Variants in NOSIP observed in about 807,000 individuals in gnomAD.
NOSIP encodes nitric oxide synthase interacting protein.
A neutral mutation model predicts 36.4 loss-of-function variants in NOSIP; 25 were observed. The ratio of observed to expected loss-of-function variants is 0.69; its 90% CI spans 0.50 to 0.96. The LOEUF (loss-of-function observed/expected upper bound fraction) is 0.96. NOSIP is among the 40% of genes least tolerant of loss of function. The pLI, the probability that NOSIP is intolerant of heterozygous loss-of-function variation, is 0.00. For synonymous variants in NOSIP, 187 were observed against 179.2 expected (o/e 1.04, Z -0.35); for missense variants, 370 against 429.0 (o/e 0.86, Z 1.21).
At chr19:49,557,618 A>G (rs2080272272) in intron 4 of NOSIP, 2 of 1,122,466 alleles carry the variant, frequency 1.8e-6, no homozygotes, top group Non-Finnish European at 2.2e-6. Flanking sequence ...TAAGCATTTA[A>G]TTAATGTCAC....
chr19:49,564,572 C>G (rs1176907221), intron 1 of NOSIP, among the ~76,000 whole-genome samples: 1 of 152,016 alleles, frequency 6.6e-6, no homozygotes, highest in African/African-American at 2.4e-5. Flanking sequence ...TACTAGAACC[C>G]TCGTGCACTG....
At chr19:49,578,288 C>G (rs1427685389) in intron 1 of NOSIP, among the ~76,000 whole-genome samples, 1 of 151,436 alleles carries the variant, frequency 6.6e-6, no homozygotes, top group Non-Finnish European at 1.5e-5. Context: ...CATGACCAGC[C>G]AATTTTTGTA....
chr19:49,578,122 C>T (rs576303833), intron 1 of NOSIP, among the ~76,000 whole-genome samples: 4 of 152,032 alleles, frequency 2.6e-5, no homozygotes, highest in South Asian at 2.1e-4. Flanking sequence ...AATCATATCC[C>T]ACTAATGCTT....
intron 1 of NOSIP, among the ~76,000 whole-genome samples, chr19:49,580,121 T>C (rs1356266415): frequency 6.6e-6 from 1 of 150,940 alleles, no homozygotes; most frequent in Non-Finnish European, 1.5e-5. Flanking sequence ...TCTGAGAAAC[T>C]GAGGCCAGGA....
chr19:49,562,214 C>T (rs1599751382), intron 1 of NOSIP, among the ~76,000 whole-genome samples: 1 of 152,120 alleles, frequency 6.6e-6, no homozygotes, highest in Admixed American at 6.5e-5. Context: ...CTCTGCCTCC[C>T]AAGTTAAAGC....
At chr19:49,559,049 T>TTA in intron 3 of NOSIP, 71 bp from the exon 4 acceptor site, 2 of 1,242,192 alleles carry the variant, frequency 1.6e-6, no homozygotes, top group Non-Finnish European at 2.4e-6. Flanking sequence ...AGTGCTGGGA[T>TTA]TATAGGCAGA....
At chr19:49,563,166 A>G (rs2080357674) in intron 1 of NOSIP, among the ~76,000 whole-genome samples, 1 of 149,780 alleles carries the variant, frequency 6.7e-6, no homozygotes, top group Non-Finnish European at 1.5e-5. Context: ...TTAATCTAAC[A>G]TCGTTTTTTC....
chr19:49,555,865 G>GGGTGACCAGTGGGGCTCCAGGT, intron 8 of NOSIP, 43 bp from the exon 9 acceptor site: 1 of 1,487,936 alleles, frequency 6.7e-7, no homozygotes, highest in Non-Finnish European at 9.4e-7. Flanking sequence ...GCCGGCCCGG[G>GGGTGACCAGTGGGGCTCCAGGT]GGTGACCAGT....
intron 1 of NOSIP, among the ~76,000 whole-genome samples, chr19:49,562,810 G>A (rs1477078172): frequency 6.6e-6 from 1 of 152,142 alleles, no homozygotes; most frequent in Non-Finnish European, 1.5e-5. Flanking sequence ...AACCTGGGAG[G>A]TGCAGGTTGC....
chr19:49,575,113 T>C (rs1170385958), intron 1 of NOSIP, among the ~76,000 whole-genome samples: 5 of 152,168 alleles, frequency 3.3e-5, no homozygotes, highest in Non-Finnish European at 5.9e-5. Context: ...TCTGCCCACC[T>C]CGGCCTCCCA....
At chr19:49,561,584 T>A (rs550436307) in intron 1 of NOSIP, among the ~76,000 whole-genome samples, 1 of 152,258 alleles carries the variant, frequency 6.6e-6, no homozygotes, top group East Asian at 1.9e-4. Context: ...AAATTAACCC[T>A]TTTAAAGTGG....
intron 1 of NOSIP, among the ~76,000 whole-genome samples, chr19:49,568,876 C>T (rs2080447522): frequency 6.7e-6 from 1 of 149,742 alleles, no homozygotes; most frequent in Non-Finnish European, 1.5e-5. Context: ...AATCTCGGCT[C>T]ACTGCAACCT....
At position 49,556,904 on chromosome 19, in the gene NOSIP, C is replaced by T. The variant is rs1442609579; in HGVS notation, c.508G>A (p.Glu170Lys). 9 of 1,613,484 alleles carry T rather than the reference C, an allele frequency of 5.6e-6. No homozygotes were observed. The highest frequency in any genetic ancestry group is 1.1e-5 in the South Asian group (1 of 91,048). ...PSFWIPSLTP[E>K]AKATKLEKPS... ...TTCTCCAGCTTGGTGGCCTTGGCTTCGGGCGTCAGCGACGGGATCCAGAAG... is the reference window on the plus strand; with the variant it reads ...TTCTCCAGCTTGGTGGCCTTGGCTTTGGGCGTCAGCGACGGGATCCAGAAG... The change falls in exon 6 of 9, where the codon GAA (glutamate) becomes AAA (lysine). Residue 170 changes from glutamate (E) to lysine (K), a missense_variant. By Grantham distance (56) the Glu-to-Lys change is moderately conservative. Transcript: ENST00000596358.
chr19:49,568,719 A>T (rs2080442280), intron 1 of NOSIP, among the ~76,000 whole-genome samples: 1 of 151,660 alleles, frequency 6.6e-6, no homozygotes. Context: ...CCAAGGCAGG[A>T]AGATTGCTTA....
chr19:49,571,635 A>T (rs2080485185), intron 1 of NOSIP, among the ~76,000 whole-genome samples: 1 of 152,178 alleles, frequency 6.6e-6, no homozygotes, highest in South Asian at 2.1e-4. Context: ...CTCTGGAGCC[A>T]TTCCTTTTAA....
intron 1 of NOSIP, among the ~76,000 whole-genome samples, chr19:49,576,884 CAA>C (rs58441193): frequency 0.11 from 5,357 of 46,946 alleles, 180 homozygotes; most frequent in African/African-American, 0.24. Context: ...AACTCTGTCT[CAA>C]AAAAAAAAAA....
chr19:49,568,927 TGA>T (rs923934774), intron 1 of NOSIP, among the ~76,000 whole-genome samples: 2 of 151,052 alleles, frequency 1.3e-5, no homozygotes, highest in Non-Finnish European at 2.9e-5. Flanking sequence ...CTCAGCCTCC[TGA>T]GTAGCTGGGA....
In NOSIP at chr19:49,560,465, T is replaced by C; in HGVS notation, c.70+157A>G. 1 of 644,658 alleles carries C rather than the reference T, an allele frequency of 1.6e-6. No individual in the cohort carries two copies. Among genetic ancestry groups the C allele is most frequent in the Non-Finnish European group, 2.8e-6 (1 of 355,328 alleles). The allele number at this position is 644,658 out of a possible 1,614,324, so 39.9% of individuals were successfully genotyped here. A position where few individuals can be genotyped will look rare whatever the true frequency, so the allele number is the denominator to read the frequency against. ...CACAGTGCCGGGCCACATGGGGTCATGGGATCACCCAGCTGTTGTTTACAT... is the reference window on the plus strand; with the variant it reads ...CACAGTGCCGGGCCACATGGGGTCACGGGATCACCCAGCTGTTGTTTACAT... On this transcript the variant is annotated intron_variant, in intron 2 of 8. Coordinates refer to ENST00000596358, the MANE Select transcript of NOSIP (RefSeq NM_001270960.2). This position sits in a 1 kb window ranked among gnomAD's most constrained non-coding sequence, Gnocchi z 4.6.
intron 1 of NOSIP, among the ~76,000 whole-genome samples, chr19:49,578,137 T>C (rs1479680339): frequency 6.6e-6 from 1 of 152,154 alleles, no homozygotes; most frequent in Non-Finnish European, 1.5e-5. Context: ...ATGCTTTTTT[T>C]TTTTGAGAGG....
Sources: gnomAD v4.1 joint callset for allele counts (sites outside exome capture counted in the v4.1 genomes callset) on GRCh38, gnomAD v4.1.1 for gene constraint, Gnocchi (gnomAD v3.1) non-coding constraint, MANE v1.5 for transcripts, NCBI Gene and HGNC (gene_info 2026-07-23, HGNC 2026-07-21) for gene names.